TRHDE: variants seen among roughly 807,000 people sequenced by gnomAD.
The protein encoded by TRHDE is thyrotropin-releasing hormone-degrading ectoenzyme.
A neutral mutation model predicts 125.7 loss-of-function variants in TRHDE; 72 were observed. The ratio of observed to expected loss-of-function variants is 0.57; its 90% CI spans 0.47 to 0.70. The LOEUF (loss-of-function observed/expected upper bound fraction) is 0.70, where lower values mean the gene tolerates loss of function less well. Among genes scored for constraint, TRHDE ranks in the 30% least tolerant of loss-of-function variants. The pLI, the probability that TRHDE is intolerant of heterozygous loss-of-function variation, is 0.00. For missense variants in TRHDE, 1,110 were observed against 1,327.1 expected (o/e 0.84, Z 2.54); for synonymous variants, 509 against 509.1 (o/e 1.00, Z 0.00).
chr12:72,541,522 A>G (rs942248431), intron 6 of TRHDE, among the ~76,000 whole-genome samples: 7 of 151,448 alleles, frequency 4.6e-5, no homozygotes, highest in African/African-American at 1.7e-4. Flanking sequence ...TTGCATATGG[A>G]TGTATGCAGC....
intron 2 of TRHDE, among the ~76,000 whole-genome samples, chr12:72,183,609 A>G (rs555978851): frequency 1.1e-4 from 17 of 152,344 alleles, no homozygotes; most frequent in African/African-American, 3.8e-4. Flanking sequence ...GTAATTTCAT[A>G]TGCATCAACT....
At chr12:72,405,501 T>C (rs1443023590) in intron 3 of TRHDE, among the ~76,000 whole-genome samples, 4 of 152,200 alleles carry the variant, frequency 2.6e-5, no homozygotes, top group African/African-American at 9.6e-5. Flanking sequence ...TTCCTAATTA[T>C]ACTTTTCCCC....
At chr12:72,156,108 C>A (rs1461779616) in intron 2 of TRHDE, among the ~76,000 whole-genome samples, 1 of 152,210 alleles carries the variant, frequency 6.6e-6, no homozygotes, top group Non-Finnish European at 1.5e-5. Context: ...GCGCCCCTCC[C>A]CCAGCCTTGC....
At chr12:72,478,533 G>GT (rs1475908113) in intron 5 of TRHDE, among the ~76,000 whole-genome samples, 1 of 152,066 alleles carries the variant, frequency 6.6e-6, no homozygotes, top group African/African-American at 2.4e-5. Flanking sequence ...ATAGAAACAT[G>GT]TTTTTCCGTT....
intron 15 of TRHDE, among the ~76,000 whole-genome samples, chr12:72,626,349 C>T (rs1873257013): frequency 6.6e-6 from 1 of 151,836 alleles, no homozygotes; most frequent in Non-Finnish European, 1.5e-5. Context: ...AATTATAAAA[C>T]ACTAGTGTTC....
At chr12:72,140,148 A>G (rs1438149900) in intron 2 of TRHDE, 1 of 152,224 alleles carries the variant, frequency 6.6e-6, no homozygotes, top group East Asian at 1.9e-4. Context: ...GAGAGAATTA[A>G]TAAAGAGTCT....
intron 2 of TRHDE, among the ~76,000 whole-genome samples, chr12:72,329,430 T>C (rs1190324414): frequency 2.6e-5 from 4 of 152,210 alleles, no homozygotes; most frequent in Non-Finnish European, 5.9e-5. Context: ...AGAGATTTAC[T>C]CTGATGATAG....
At chr12:72,362,797 C>T (rs1242975133) in intron 2 of TRHDE, among the ~76,000 whole-genome samples, 1 of 152,020 alleles carries the variant, frequency 6.6e-6, no homozygotes, top group Non-Finnish European at 1.5e-5. Context: ...GCCAGTTTTC[C>T]CAGCACCATT....
chr12:72,380,760 TTCCTTGCTTCC>T (rs1565720496), intron 3 of TRHDE, among the ~76,000 whole-genome samples: 6 of 92,830 alleles, frequency 6.5e-5, no homozygotes, highest in African/African-American at 3.7e-4. Flanking sequence ...CCTTCCTTCC[TTCCTTGCTTCC>T]TTCCTTCCTT....
chr12:72,621,258 G>A, intron 14 of TRHDE, 53 bp downstream of exon 14: 1 of 1,120,000 alleles, frequency 8.9e-7, no homozygotes, highest in Non-Finnish European at 1.3e-6. Context: ...GTATAATAAT[G>A]TACTACTAGT....
At chr12:72,317,409 G>C (rs980038503) in intron 2 of TRHDE, among the ~76,000 whole-genome samples, 1 of 152,118 alleles carries the variant, frequency 6.6e-6, no homozygotes, top group East Asian at 1.9e-4. Flanking sequence ...GGGTAATTTA[G>C]AAATAATAGA....
rs1336947345 is a variant in TRHDE, at chr12:72,670,345, T to C, written c.*7150T>C. 1 of 151,746 alleles carries C rather than the reference T, an allele frequency of 6.6e-6. No homozygotes were observed. Among genetic ancestry groups the C allele is most frequent in the East Asian group, 1.9e-4 (1 of 5,152 alleles). 9.4% of individuals were successfully genotyped at this position (151,746 alleles called of 1,614,324 possible). A position where few individuals can be genotyped will look rare whatever the true frequency, so the allele number is the denominator to read the frequency against. On this transcript the variant is annotated 3_prime_UTR_variant, in exon 19 of 19. Transcript: ENST00000261180. ...TAGTACGTATTCAACATGAAATTTTTAGTCTTTTCTGACCAAGCACTAATA... is the reference window on the plus strand; with the variant it reads ...TAGTACGTATTCAACATGAAATTTTCAGTCTTTTCTGACCAAGCACTAATA...
At chr12:72,097,947 T>C (rs1023524501) in intron 1 of TRHDE, among the ~76,000 whole-genome samples, 1 of 152,240 alleles carries the variant, frequency 6.6e-6, no homozygotes. Context: ...ATGGTTGGGA[T>C]GCACTGCATA....
intron 5 of TRHDE, among the ~76,000 whole-genome samples, chr12:72,497,472 C>T (rs943959753): frequency 1.3e-5 from 2 of 151,950 alleles, no homozygotes; most frequent in African/African-American, 2.4e-5. Context: ...GTTCACTTTA[C>T]CTGGTTGTTT....
chr12:72,452,868 C>T (rs1406510667), intron 3 of TRHDE, among the ~76,000 whole-genome samples: 1 of 152,068 alleles, frequency 6.6e-6, no homozygotes, highest in Non-Finnish European at 1.5e-5. Context: ...CTGAGGCTTC[C>T]CTAGAAGCCA....
intron 3 of TRHDE, among the ~76,000 whole-genome samples, chr12:72,380,762 C>CCTTCCTTG (rs1872122778): frequency 1.4e-5 from 1 of 71,698 alleles, no homozygotes; most frequent in Non-Finnish European, 2.7e-5. Context: ...TTCCTTCCTT[C>CCTTCCTTG]CTTGCTTCCT....
intron 2 of TRHDE, among the ~76,000 whole-genome samples, chr12:72,152,135 G>A (rs1050637888): frequency 2.0e-5 from 3 of 151,216 alleles, no homozygotes; most frequent in Non-Finnish European, 2.9e-5. Flanking sequence ...TGGATTCCTA[G>A]GTATTTTATT....
intron 2 of TRHDE, among the ~76,000 whole-genome samples, chr12:72,310,512 G>A (rs1327877817): frequency 2.0e-5 from 3 of 151,926 alleles, no homozygotes; most frequent in Admixed American, 6.6e-5. Context: ...TGTATTAATT[G>A]CATTTCAGTT....
At chr12:72,598,532 C>T (rs190199746) in intron 12 of TRHDE, among the ~76,000 whole-genome samples, 177 of 152,184 alleles carry the variant, frequency 1.2e-3, no homozygotes, top group South Asian at 2.7e-3. Flanking sequence ...GAAACCTATG[C>T]GTTAACAAGT....
Sources: gnomAD v4.1 joint callset for allele counts (sites outside exome capture counted in the v4.1 genomes callset) on GRCh38, gnomAD v4.1.1 for gene constraint, MANE v1.5 for transcripts, NCBI Gene and HGNC (gene_info 2026-07-23, HGNC 2026-07-21) for gene names.